Variants in LNX1 observed in about 807,000 individuals in gnomAD.
LNX1 encodes E3 ubiquitin-protein ligase LNX.
LNX1 carries 54 observed loss-of-function variants against 68.4 expected under a neutral mutation model. The observed-to-expected ratio is 0.79, with a 90% CI of 0.63 to 0.99. The LOEUF is 0.99. Among genes scored for constraint, LNX1 ranks in the 50% least tolerant of loss-of-function variants. The pLI is 0.00. For synonymous variants in LNX1, 336 were observed against 350.0 expected, an observed-to-expected ratio of 0.96 and a Z score of 0.45; for missense variants, 906 against 926.4, an observed-to-expected ratio of 0.98 and a Z score of 0.29.
intron 2 of LNX1, among the ~76,000 whole-genome samples, chr4:53,540,797 C>G (rs1206548019): frequency 1.3e-5 from 2 of 152,152 alleles, no homozygotes; most frequent in Non-Finnish European, 2.9e-5. Context: ...TGGGGTCAAA[C>G]ATTTGTCTTT....
intron 2 of LNX1, among the ~76,000 whole-genome samples, chr4:53,560,889 C>T (rs1730237870): frequency 1.3e-5 from 2 of 152,324 alleles, no homozygotes; most frequent in Non-Finnish European, 1.5e-5. Flanking sequence ...AATACAATCC[C>T]TTGGGGCTAA....
At chr4:53,475,355 G>C (rs1280340767) in intron 9 of LNX1, among the ~76,000 whole-genome samples, 1 of 152,180 alleles carries the variant, frequency 6.6e-6, no homozygotes, top group Non-Finnish European at 1.5e-5. Flanking sequence ...AATGTCTAAA[G>C]GGTTTTAAAC....
intron 1 of LNX1, among the ~76,000 whole-genome samples, chr4:53,632,198 G>T (rs751468642): frequency 1.3e-5 from 2 of 152,132 alleles, no homozygotes; most frequent in Non-Finnish European, 2.9e-5. Flanking sequence ...CAGGTCTTTG[G>T]AACTGACATC....
At chr4:53,476,221 C>A (rs1439507220) in intron 9 of LNX1, among the ~76,000 whole-genome samples, 2 of 152,108 alleles carry the variant, frequency 1.3e-5, no homozygotes, top group East Asian at 1.9e-4. Flanking sequence ...TCATTTGAAC[C>A]CAGGAGGCCA....
At chr4:53,558,360 G>A (rs1730071504) in intron 2 of LNX1, 2 of 790,238 alleles carry the variant, frequency 2.5e-6, no homozygotes, top group Non-Finnish European at 3.1e-6. Context: ...GAGGACATGA[G>A]CATGACACAT....
At chr4:53,466,364 C>G (rs1722682470) in intron 9 of LNX1, among the ~76,000 whole-genome samples, 1 of 152,022 alleles carries the variant, frequency 6.6e-6, no homozygotes, top group South Asian at 2.1e-4. Context: ...TAAAAAGAAA[C>G]CTGAAGACAG....
intron 2 of LNX1, among the ~76,000 whole-genome samples, chr4:53,599,772 AT>A (rs1402317427): frequency 2.0e-5 from 3 of 152,186 alleles, no homozygotes; most frequent in Non-Finnish European, 4.4e-5. Flanking sequence ...ACACTTTCAG[AT>A]TCTATGTATG....
chr4:53,627,542 T>C (rs1474873471), intron 1 of LNX1, among the ~76,000 whole-genome samples: 2 of 152,226 alleles, frequency 1.3e-5, no homozygotes, highest in African/African-American at 4.8e-5. Context: ...GATTTTCTGC[T>C]CTGAATTGAT....
At chr4:53,483,929 A>G (rs1415283515) in intron 6 of LNX1, among the ~76,000 whole-genome samples, 1 of 152,224 alleles carries the variant, frequency 6.6e-6, no homozygotes, top group East Asian at 1.9e-4. Flanking sequence ...CCTAACCCAC[A>G]ACACGGCAGC....
rs1269884583 is a variant in LNX1, at chr4:53,543,514, A to C, written c.380+30109T>G. ...TAATTCATCTACCAGGAGGCTACCT[A>C]GCTTGGAAAAGAAGAAAAAAAAATC... On this transcript the variant is annotated intron_variant, in intron 2 of 10. Coordinates refer to ENST00000263925, the MANE Select transcript of LNX1 (RefSeq NM_001126328.3). Among the ~76,000 whole-genome samples, 5 of 78,554 alleles carry C rather than the reference A, an allele frequency of 6.4e-5. No individual in the cohort carries two copies. In the South Asian group the frequency reaches 2.5e-3, roughly 40 times the overall value. The allele number at this position is 78,554 out of a possible 152,430, so 51.5% of individuals were successfully genotyped here. A position where few individuals can be genotyped will look rare whatever the true frequency, so the allele number is the denominator to read the frequency against.
At chr4:53,579,525 CA>C (rs912633537) in intron 1 of LNX1, among the ~76,000 whole-genome samples, 1 of 152,104 alleles carries the variant, frequency 6.6e-6, no homozygotes, top group Non-Finnish European at 1.5e-5. Flanking sequence ...GCCTAATTCT[CA>C]AATTTTGAAC....
chr4:53,513,346 A>G (rs1378880872), intron 2 of LNX1, among the ~76,000 whole-genome samples: 1 of 152,148 alleles, frequency 6.6e-6, no homozygotes, highest in Non-Finnish European at 1.5e-5. Context: ...AGATGAAGAT[A>G]TGGACAGTAG....
At chr4:53,571,683 G>C (rs1171309437) in intron 2 of LNX1, among the ~76,000 whole-genome samples, 1 of 150,454 alleles carries the variant, frequency 6.6e-6, no homozygotes, top group Non-Finnish European at 1.5e-5. Context: ...TTCTTTTTTT[G>C]AGACAGTCTC....
At chr4:53,508,777 C>T (rs1166203303) in intron 2 of LNX1, among the ~76,000 whole-genome samples, 2 of 152,220 alleles carry the variant, frequency 1.3e-5, no homozygotes, top group Non-Finnish European at 2.9e-5. Context: ...GGCTTCCATT[C>T]TCTTTCTCTG....
chr4:53,543,139 A>G (rs1728875560), intron 2 of LNX1, among the ~76,000 whole-genome samples: 1 of 152,204 alleles, frequency 6.6e-6, no homozygotes, highest in Admixed American at 6.5e-5. Context: ...ATAATTACAG[A>G]AACGAGCCAC....
intron 1 of LNX1, chr4:53,575,458 A>G: frequency 1.0e-6 from 1 of 968,100 alleles, no homozygotes; most frequent in South Asian, 4.8e-5. Context: ...CATGAGTTTG[A>G]TATGCAGACC....
chr4:53,618,355 A>G (rs1733753755), upstream of LNX1, among the ~76,000 whole-genome samples: 1 of 152,250 alleles, frequency 6.6e-6, no homozygotes, highest in African/African-American at 2.4e-5. Context: ...CTTGCTGTGT[A>G]GTCCATTAGG....
At chr4:53,651,909 G>GA (rs972115444) in intron 1 of LNX1, among the ~76,000 whole-genome samples, 5 of 151,998 alleles carry the variant, frequency 3.3e-5, no homozygotes, top group African/African-American at 4.8e-5. Flanking sequence ...GGCCACTGCA[G>GA]AAAAAAATAG....
rs1245123603 is a variant in LNX1, at chr4:53,476,842, G to A, written c.1803C>T (p.Cys601=). ...TGGAGTCCAGGGCTGCTGGGCTGCT[G>A]CAGTCTTCCTGGGGCTCATACTCTT... The part of the protein sequence containing the change: ...EVKEYEPQED[C]SSPAALDSNH... Residue 601 remains cysteine (C), a synonymous_variant, in exon 9 of 11, where the codon TGC becomes TGT. Coordinates refer to ENST00000263925, the MANE Select transcript of LNX1 (RefSeq NM_001126328.3). 1 of 1,614,210 alleles carries A rather than the reference G, an allele frequency of 6.2e-7. No homozygotes were observed. The highest frequency in any genetic ancestry group is 1.1e-5 in the South Asian group (1 of 91,088).
Sources: allele counts gnomAD v4.1 joint callset (sites outside exome capture counted in the v4.1 genomes callset), GRCh38; gene constraint gnomAD v4.1.1; transcripts MANE v1.5; gene names NCBI Gene and HGNC (gene_info 2026-07-23, HGNC 2026-07-21).